The following NFIB variants were observed in gnomAD, a reference collection of about 807,000 sequenced individuals.
NFIB encodes the protein nuclear factor 1 B-type.
In NFIB, 11 loss-of-function variants were observed where a neutral mutation model predicts 61.5. That is an observed-to-expected ratio of 0.18 (90% CI 0.11 to 0.30). NFIB has a LOEUF of 0.30. NFIB is among the 10% of genes least tolerant of loss of function. The pLI is 1.00. For missense variants in NFIB, 471 were observed against 608.9 expected (o/e 0.77, Z 2.38); for synonymous variants, 260 against 216.5 (o/e 1.20, Z -1.76).
chr9:14,338,211 G>A (rs2132866489), intron 1 of NFIB, among the ~76,000 whole-genome samples: 1 of 152,186 alleles, frequency 6.6e-6, no homozygotes, highest in Middle Eastern at 3.4e-3. Context: ...TGTCTAACAC[G>A]GTGAAACCCC....
intron 3 of NFIB, among the ~76,000 whole-genome samples, chr9:14,173,735 G>A (rs2045833495): frequency 6.6e-6 from 1 of 152,184 alleles, no homozygotes; most frequent in Non-Finnish European, 1.5e-5. Flanking sequence ...TGTTAACTCA[G>A]CAATCGTTAG....
chr9:14,103,701 A>G (rs1185161759), intron 10 of NFIB, among the ~76,000 whole-genome samples: 1 of 152,106 alleles, frequency 6.6e-6, no homozygotes, highest in East Asian at 1.9e-4. Flanking sequence ...TCGATCTATG[A>G]GGCTCTAAAA....
the NFIB span, among the ~76,000 whole-genome samples, chr9:14,507,724 G>C: frequency 6.6e-6 from 1 of 152,172 alleles, no homozygotes; most frequent in Admixed American, 6.5e-5. Context: ...TTTGAGGAGA[G>C]TGAGAAGAAG....
At chr9:14,497,173 T>A in the NFIB span, among the ~76,000 whole-genome samples, 432 of 152,364 alleles carry the variant, frequency 2.8e-3, 1 homozygote, top group African/African-American at 1.0e-2. Flanking sequence ...TAGGTTTTTT[T>A]ATCTTGTAAG....
chr9:14,491,425 G>A, the NFIB span, among the ~76,000 whole-genome samples: 1 of 152,174 alleles, frequency 6.6e-6, no homozygotes, highest in African/African-American at 2.4e-5. Flanking sequence ...AAAATGTCAG[G>A]AAGTGTGGGA....
chr9:14,172,924 C>T (rs2045732012), intron 3 of NFIB, among the ~76,000 whole-genome samples: 1 of 152,142 alleles, frequency 6.6e-6, no homozygotes. Context: ...CAAGTGCCAC[C>T]ACACCCGGCT....
At chr9:14,530,949 T>G in the NFIB span, among the ~76,000 whole-genome samples, 1 of 152,034 alleles carries the variant, frequency 6.6e-6, no homozygotes, top group African/African-American at 2.4e-5. Context: ...AAGTAAATGT[T>G]CAGATGAATG....
intron 6 of NFIB, among the ~76,000 whole-genome samples, chr9:14,126,617 G>A (rs1188304748): frequency 6.6e-6 from 1 of 152,170 alleles, no homozygotes; most frequent in Non-Finnish European, 1.5e-5. Flanking sequence ...GTGTGGAGTG[G>A]TGAAAGATGA....
intron 2 of NFIB, among the ~76,000 whole-genome samples, chr9:14,298,504 T>C (rs932690): frequency 0.1 from 15,631 of 151,972 alleles, 2,713 homozygotes; most frequent in African/African-American, 0.36. Flanking sequence ...AAGATCTAAA[T>C]CCCTCCAAAT....
intron 1 of NFIB, among the ~76,000 whole-genome samples, chr9:14,367,129 C>T (rs990748264): frequency 6.6e-6 from 1 of 152,138 alleles, no homozygotes; most frequent in Non-Finnish European, 1.5e-5. Flanking sequence ...ATTTACTGGG[C>T]CCCTACCCTA....
At chr9:14,292,203 G>C (rs1345807775) in intron 2 of NFIB, among the ~76,000 whole-genome samples, 3 of 152,022 alleles carry the variant, frequency 2.0e-5, no homozygotes, top group African/African-American at 7.2e-5. Context: ...AGCAGTAAAA[G>C]TAACGCATCC....
At chr9:14,312,311 A>G (rs563755345) in intron 1 of NFIB, among the ~76,000 whole-genome samples, 5 of 152,240 alleles carry the variant, frequency 3.3e-5, no homozygotes, top group Non-Finnish European at 7.3e-5. Context: ...AAAATGCATC[A>G]TCGTGATATT....
chr9:14,285,107 T>C (rs2058624813), intron 2 of NFIB, among the ~76,000 whole-genome samples: 1 of 152,198 alleles, frequency 6.6e-6, no homozygotes, highest in Non-Finnish European at 1.5e-5. Context: ...AAATTAAAGA[T>C]AAAACAAATG....
the NFIB span, among the ~76,000 whole-genome samples, chr9:14,455,053 G>C: frequency 1.3e-5 from 2 of 152,280 alleles, no homozygotes; most frequent in East Asian, 3.9e-4. Context: ...GGGGTTATTT[G>C]TTACTGCTGC....
chr9:14,155,699 G>C lies in NFIB; in HGVS notation c.685+126C>G, dbSNP rs1308224778. On this transcript the variant is annotated intron_variant, in intron 4 of 10. Coordinates refer to ENST00000380953, the MANE Select transcript of NFIB (RefSeq NM_001190737.2). ...CAAAATATATTGTTATTTCATCAAA[G>C]GTTTTAAGATTTTAATTCAAATTTT... 13 of 493,202 alleles carry C rather than the reference G, an allele frequency of 2.6e-5. No homozygotes were observed. The Admixed American group carries it at 5.1e-4, about 19-fold the overall frequency. The allele number at this position is 493,202 out of a possible 1,614,324, so 30.6% of individuals were successfully genotyped here.
At chr9:14,521,336 G>A in the NFIB span, among the ~76,000 whole-genome samples, 1 of 152,146 alleles carries the variant, frequency 6.6e-6, no homozygotes, top group Non-Finnish European at 1.5e-5. Context: ...TGAAAACACG[G>A]CTTGTAATGT....
intron 3 of NFIB, among the ~76,000 whole-genome samples, chr9:14,160,624 G>A (rs2044053199): frequency 6.6e-6 from 1 of 152,036 alleles, no homozygotes; most frequent in East Asian, 1.9e-4. Flanking sequence ...ATTTTGCAAA[G>A]GTAGCATAAC....
At chr9:14,205,749 C>A (rs1270309849) in intron 2 of NFIB, among the ~76,000 whole-genome samples, 1 of 152,158 alleles carries the variant, frequency 6.6e-6, no homozygotes, top group African/African-American at 2.4e-5. Flanking sequence ...TGGTGGTATT[C>A]ATCATAGTGC....
At chr9:14,239,553 G>A (rs2054144211) in intron 2 of NFIB, among the ~76,000 whole-genome samples, 1 of 152,026 alleles carries the variant, frequency 6.6e-6, no homozygotes, top group South Asian at 2.1e-4. Context: ...AACAGAAAGA[G>A]AAAAGATAAG....
Sources: gnomAD v4.1 joint callset for allele counts (sites outside exome capture counted in the v4.1 genomes callset) on GRCh38, gnomAD v4.1.1 for gene constraint, MANE v1.5 for transcripts, NCBI Gene and HGNC (gene_info 2026-07-23, HGNC 2026-07-21) for gene names.